IFIT1: variants seen among roughly 807,000 people sequenced by gnomAD.
The protein encoded by IFIT1 is interferon induced protein with tetratricopeptide repeats 1, also known as antiviral innate immune response effector IFIT1.
Under a neutral mutation model 2.5 loss-of-function variants are expected in IFIT1, and 1 was observed. That is an observed-to-expected ratio of 0.40 (90% CI 0.14 to 1.92). IFIT1 has a LOEUF of 1.92. IFIT1 is among the 40% of genes most tolerant of loss of function. IFIT1 has a pLI of 0.31. For missense variants in IFIT1, 508 were observed against 557.8 expected (o/e 0.91, Z 0.90); for synonymous variants, 191 against 201.7 (o/e 0.95, Z 0.45).
chr10:89,406,008 T>C lies in IFIT1; in HGVS notation c.*2296T>C, dbSNP rs1404264025. On this transcript the variant is annotated 3_prime_UTR_variant, in exon 2 of 2. Transcript: ENST00000371804. ...TTTTACTCCTTCCAGTAGATACTGATTTCATCCATTGCCCTTAAGAAGGTA... is the reference window on the plus strand; with the variant it reads ...TTTTACTCCTTCCAGTAGATACTGACTTCATCCATTGCCCTTAAGAAGGTA... The C allele has an allele frequency of 6.6e-6, 1 of 152,200 alleles. No homozygotes were observed. The allele number at this position is 152,200 out of a possible 1,614,324, so 9.4% of individuals were successfully genotyped here. A position where few individuals can be genotyped will look rare whatever the true frequency, so the allele number is the denominator to read the frequency against.
chr10:89,404,308 A>G lies in IFIT1; in HGVS notation c.*596A>G, dbSNP rs904164023. ...TCTTGCGGTTTCCACATGACAACTGATCAGCCTTCCCTCCTGATAAGTGAC... is the reference window on the plus strand; with the variant it reads ...TCTTGCGGTTTCCACATGACAACTGGTCAGCCTTCCCTCCTGATAAGTGAC... On this transcript the variant is annotated 3_prime_UTR_variant, in exon 2 of 2. Transcript: ENST00000371804. 6.6e-6 allele frequency: 1 copy of G among 152,528 alleles called. No individual in the cohort carries two copies. Among genetic ancestry groups the G allele is most frequent in the Non-Finnish European group, 1.5e-5 (1 of 68,260 alleles). 9.4% of individuals were successfully genotyped at this position (152,528 alleles called of 1,614,324 possible).
chr10:89,401,119 C>CT (rs34774861), intron 1 of IFIT1, among the ~76,000 whole-genome samples: 2,742 of 139,864 alleles, frequency 0.02, 49 homozygotes, highest in African/African-American at 0.051. Context: ...ATTTAGATGA[C>CT]TTTTTTTTTT....
rs1199785433 is a variant in IFIT1, at chr10:89,405,925, C to T, written c.*2213C>T. 1 of 152,084 alleles carries T rather than the reference C, an allele frequency of 6.6e-6. No homozygotes were observed. The highest frequency in any genetic ancestry group is 2.4e-5 in the African/African-American group (1 of 41,404). 9.4% of individuals were successfully genotyped at this position (152,084 alleles called of 1,614,324 possible). A position where few individuals can be genotyped will look rare whatever the true frequency, so the allele number is the denominator to read the frequency against. ...GGGCATTATTCTTACCACAGAGCAC[C>T]CCAAGAAAATCTCCAAATTTTGGGC... is the stretch of plus-strand genomic sequence containing the variant. On this transcript the variant is annotated 3_prime_UTR_variant, in exon 2 of 2. Transcript: ENST00000371804.
intron 1 of IFIT1, chr10:89,393,434 T>C (rs1335924838): frequency 1.6e-6 from 1 of 615,628 alleles, no homozygotes; most frequent in African/African-American, 2.0e-5. Flanking sequence ...CTCAGCTGAT[T>C]TAAAAACCAT....
chr10:89,393,386 C>G (rs369764338), intron 1 of IFIT1: 8 of 988,714 alleles, frequency 8.1e-6, no homozygotes, highest in East Asian at 6.1e-5. Flanking sequence ...TGGGAAGATC[C>G]GTATCTTCCT....
chr10:89,399,677 AT>A (rs1844394283), intron 1 of IFIT1, among the ~76,000 whole-genome samples: 1 of 152,096 alleles, frequency 6.6e-6, no homozygotes, highest in South Asian at 2.1e-4. Context: ...TCATTCCACC[AT>A]TGTTATGGAA....
chr10:89,399,546 G>A (rs1213201437), intron 1 of IFIT1, among the ~76,000 whole-genome samples: 2 of 152,066 alleles, frequency 1.3e-5, no homozygotes, highest in Non-Finnish European at 2.9e-5. Context: ...GTTAATTTTT[G>A]TATATGGCAT....
At chr10:89,393,758 T>C (rs1427022932) in intron 1 of IFIT1, among the ~76,000 whole-genome samples, 1 of 152,140 alleles carries the variant, frequency 6.6e-6, no homozygotes, top group Non-Finnish European at 1.5e-5. Context: ...AAAAAATCCA[T>C]TACTTAATAC....
chr10:89,392,856 T>G, intron 1 of IFIT1, 139 bp downstream of exon 1: 2 of 857,438 alleles, frequency 2.3e-6, no homozygotes, highest in Non-Finnish European at 3.8e-6. Flanking sequence ...ATGGACTGAA[T>G]GTGTGCATGC....
intron 1 of IFIT1, among the ~76,000 whole-genome samples, chr10:89,396,188 C>T (rs1229766151): frequency 6.6e-6 from 1 of 152,202 alleles, no homozygotes; most frequent in African/African-American, 2.4e-5. Context: ...TTGTTTTCCA[C>T]AGCAGCTGCA....
At chr10:89,401,399 G>C (rs1473122702) in intron 1 of IFIT1, among the ~76,000 whole-genome samples, 1 of 152,098 alleles carries the variant, frequency 6.6e-6, no homozygotes, top group Non-Finnish European at 1.5e-5. Flanking sequence ...GGGATTACAG[G>C]TGTGAGCCAC....
chr10:89,402,314 T>C lies in IFIT1; in HGVS notation c.39T>C (p.Ser13=), dbSNP rs1400473513. 1.9e-6 allele frequency: 3 copies of C among 1,613,590 alleles called. No individual in the cohort carries two copies. In the African/African-American group the frequency reaches 4.0e-5, roughly 22 times the overall value. Residue 13 remains serine (S), a synonymous_variant, in exon 2 of 2, where the codon AGT becomes AGC. Coordinates refer to ENST00000371804, the MANE Select transcript of IFIT1 (RefSeq NM_001548.5). The part of the protein sequence containing the change: ...TNGDDHQVKD[S]LEQLRCHFTW... ...GTGATGATCATCAGGTCAAGGATAG[T>C]CTGGAGCAATTGAGATGTCACTTTA...
intron 1 of IFIT1, among the ~76,000 whole-genome samples, chr10:89,396,976 A>G (rs1844353139): frequency 6.6e-6 from 1 of 152,208 alleles, no homozygotes; most frequent in South Asian, 2.1e-4. Context: ...ATTTCTCCAT[A>G]CATGAGTAAT....
At chr10:89,399,034 T>C (rs1388372942) in intron 1 of IFIT1, among the ~76,000 whole-genome samples, 1 of 133,940 alleles carries the variant, frequency 7.5e-6, no homozygotes, top group South Asian at 2.6e-4. Flanking sequence ...ATAATTGTTA[T>C]ATCCTGCTTT....
At chr10:89,399,517 G>T (rs1310527806) in intron 1 of IFIT1, among the ~76,000 whole-genome samples, 3 of 152,038 alleles carry the variant, frequency 2.0e-5, no homozygotes, top group Non-Finnish European at 4.4e-5. Flanking sequence ...CTTACATTTA[G>T]GTCTTTCATC....
Position 89,403,818 on chromosome 10 carries a change from G to C in IFIT1, c.*106G>C, listed in dbSNP as rs544662751. The C allele has an allele frequency of 3.1e-6, 2 of 655,548 alleles. No individual in the cohort carries two copies. Among genetic ancestry groups the C allele is most frequent in the Non-Finnish European group, 5.1e-6 (2 of 391,630 alleles). The allele number at this position is 655,548 out of a possible 1,614,324, so 40.6% of individuals were successfully genotyped here. A position where few individuals can be genotyped will look rare whatever the true frequency, so the allele number is the denominator to read the frequency against. ...CAGAAACATTATAATTCACTGTAATGATGTAATTCTTGAATAATAAATCTG... is the reference window on the plus strand; with the variant it reads ...CAGAAACATTATAATTCACTGTAATCATGTAATTCTTGAATAATAAATCTG... On this transcript the variant is annotated 3_prime_UTR_variant, in exon 2 of 2. Coordinates refer to ENST00000371804, the MANE Select transcript of IFIT1 (RefSeq NM_001548.5).
At chr10:89,399,633 C>T (rs927891894) in intron 1 of IFIT1, among the ~76,000 whole-genome samples, 6 of 152,074 alleles carry the variant, frequency 3.9e-5, no homozygotes, top group Non-Finnish European at 7.4e-5. Flanking sequence ...ACCATCCTTT[C>T]CCCATTAGAT....
rs1428820048 is a variant in IFIT1, at chr10:89,404,353, C to T, written c.*641C>T. Reference sequence around the variant, plus strand: ...AGTGACCACTGCCCACAGACTGGTTCTGGCCAGTCCATGGAGGCTGCACAC... The same window carrying T: ...AGTGACCACTGCCCACAGACTGGTTTTGGCCAGTCCATGGAGGCTGCACAC... On this transcript the variant is annotated 3_prime_UTR_variant, in exon 2 of 2. Coordinates refer to ENST00000371804, the MANE Select transcript of IFIT1 (RefSeq NM_001548.5). The T allele has an allele frequency of 6.6e-6, 1 of 152,338 alleles. No homozygotes were observed. The highest frequency in any genetic ancestry group is 1.5e-5 in the Non-Finnish European group (1 of 68,102). The allele number at this position is 152,338 out of a possible 1,614,324, so 9.4% of individuals were successfully genotyped here. A position where few individuals can be genotyped will look rare whatever the true frequency, so the allele number is the denominator to read the frequency against.
Position 89,395,051 on chromosome 10 carries a change from T to G in IFIT1, c.5+2334T>G, listed in dbSNP as rs78471890. 0.02 allele frequency among the ~76,000 whole-genome samples: 3,095 copies of G among 152,332 alleles called. 281 individuals carry two copies. In the East Asian group the frequency reaches 0.26, roughly 13 times the overall value. On this transcript the variant is annotated intron_variant, in intron 1 of 1. Coordinates refer to ENST00000371804, the MANE Select transcript of IFIT1 (RefSeq NM_001548.5). Reference sequence around the variant, plus strand: ...GGGCTCAGTCACCCTTGAGACAATTTCTAGTTCTCCACCTTTTTCCAGTTC... The same window carrying G: ...GGGCTCAGTCACCCTTGAGACAATTGCTAGTTCTCCACCTTTTTCCAGTTC...
Sources: allele counts gnomAD v4.1 joint callset (sites outside exome capture counted in the v4.1 genomes callset), GRCh38; gene constraint gnomAD v4.1.1; transcripts MANE v1.5; gene names NCBI Gene and HGNC (gene_info 2026-07-23, HGNC 2026-07-21).